The following CD3E variants were observed in gnomAD, a reference collection of about 807,000 sequenced individuals.
CD3E encodes T-cell surface glycoprotein CD3 epsilon chain.
CD3E carries 16 observed loss-of-function variants against 34.7 expected under a neutral mutation model. The ratio of observed to expected loss-of-function variants is 0.46; its 90% CI spans 0.31 to 0.70. The LOEUF is 0.70. Ranked by LOEUF, CD3E falls within the 30% of genes least tolerant of loss-of-function variation. The pLI is 0.05. For missense variants in CD3E, 223 were observed against 253.9 expected, an observed-to-expected ratio of 0.88 and a Z score of 0.83; for synonymous variants, 70 against 90.8, an observed-to-expected ratio of 0.77 and a Z score of 1.30.
chr11:118,307,349 C>T, intron 3 of CD3E, 41 bp downstream of exon 3: 1 of 1,567,396 alleles, frequency 6.4e-7, no homozygotes, highest in Non-Finnish European at 8.7e-7. Context: ...TGAAATCACC[C>T]CATCATTCTT....
At chr11:118,304,871 C>T (rs200529296) in intron 1 of CD3E, 23 bp from the exon 2 acceptor site, 23 of 1,206,212 alleles carry the variant, frequency 1.9e-5, no homozygotes, top group South Asian at 2.4e-5. Flanking sequence ...TTGAAAAAGT[C>T]ATCTGTTTTG....
At chr11:118,309,294 G>A (rs1253522105) in intron 4 of CD3E, among the ~76,000 whole-genome samples, 1 of 152,140 alleles carries the variant, frequency 6.6e-6, no homozygotes, top group Non-Finnish European at 1.5e-5. Context: ...GCAGTAGGAG[G>A]GCCGGGCATG....
chr11:118,312,045 T>C (rs1948138158), intron 4 of CD3E, 108 bp from the exon 5 acceptor site: 2 of 926,452 alleles, frequency 2.2e-6, no homozygotes, highest in Non-Finnish European at 3.6e-6. Flanking sequence ...TGAGACCCTC[T>C]TTGGGAAGTC....
chr11:118,304,863 G>T, intron 1 of CD3E, 31 bp from the exon 2 acceptor site: 1 of 1,146,842 alleles, frequency 8.7e-7, no homozygotes, highest in South Asian at 1.2e-5. Flanking sequence ...CAGATGTTTT[G>T]AAAAAGTCAT....
At chr11:118,305,861 T>C (rs1430950476) in intron 2 of CD3E, among the ~76,000 whole-genome samples, 1 of 152,194 alleles carries the variant, frequency 6.6e-6, no homozygotes, top group African/African-American at 2.4e-5. Flanking sequence ...ATGGTTTTAT[T>C]TCAAAGACCT....
At chr11:118,310,745 C>G (rs1348297203) in intron 4 of CD3E, among the ~76,000 whole-genome samples, 1 of 152,088 alleles carries the variant, frequency 6.6e-6, no homozygotes, top group African/African-American at 2.4e-5. Context: ...TGTCTATGTA[C>G]TTTATTTATG....
In CD3E at chr11:118,304,895, A is replaced by T. The variant is rs919369258; in HGVS notation, c.-58A>T. ...TCATCTGTTTTGCTTTTTTTCCAGA[A>T]GTAGTAAGTCTGCTGGCCTCCGCCA... On this transcript the variant is annotated splice_region_variant and 5_prime_UTR_variant, in exon 2 of 9. In the 5' UTR this introduces an upstream ATG that the reference lacks. Transcript: ENST00000361763. 5.2e-5 allele frequency: 79 copies of T among 1,524,084 alleles called. No homozygotes were observed. The highest frequency in any genetic ancestry group is 5.1e-5 in the Non-Finnish European group (56 of 1,098,004). 94.4% of individuals were successfully genotyped at this position (1,524,084 alleles called of 1,614,324 possible).
intron 4 of CD3E, among the ~76,000 whole-genome samples, chr11:118,309,675 A>C (rs1187886683): frequency 6.6e-6 from 1 of 152,228 alleles, no homozygotes; most frequent in Admixed American, 6.5e-5. Context: ...TTTACTGAGC[A>C]TGTATGTTTT....
rs917905918 is a variant in CD3E, at chr11:118,304,776, G to A, written c.-60G>A. On this transcript the variant is annotated splice_region_variant and 5_prime_UTR_variant, in exon 1 of 9. The change abolishes an upstream ATG in the 5' untranslated region. Transcript: ENST00000361763. ...GCCTCAGGTGCCTGCTTCAGAAAAT[G>A]GTGAGTCTCTCTCTTATAAAGCCCT... 4.2e-6 allele frequency: 3 copies of A among 712,024 alleles called. No individual in the cohort carries two copies. Among genetic ancestry groups the A allele is most frequent in the Non-Finnish European group, 5.1e-6 (2 of 388,612 alleles). 44.1% of individuals were successfully genotyped at this position (712,024 alleles called of 1,614,324 possible).
chr11:118,304,985 C>G lies in CD3E; in HGVS notation c.33C>G (p.Gly11=). The G allele has an allele frequency of 6.2e-7, 1 of 1,613,966 alleles. No individual in the cohort carries two copies. Among genetic ancestry groups the G allele is most frequent in the Non-Finnish European group, 8.5e-7 (1 of 1,179,830 alleles). MQSGTHWRVL[G]LCLLSVGVWG... is the part of the protein sequence containing the mutation. ...CGGGCACTCACTGGAGAGTTCTGGG[C>G]CTCTGCCTCTTATCAGGTGAGTAGG... Residue 11 remains glycine (G), a synonymous_variant, in exon 2 of 9, where the codon GGC becomes GGG. Coordinates refer to ENST00000361763, the MANE Select transcript of CD3E (RefSeq NM_000733.4).
At chr11:118,314,426 G>A (rs771081259) in intron 7 of CD3E, 22 bp from the exon 8 acceptor site, 29 of 1,611,592 alleles carry the variant, frequency 1.8e-5, no homozygotes, top group Non-Finnish European at 2.1e-5. Flanking sequence ...GGAATGAAAT[G>A]TTTCCCCTCC....
In CD3E at chr11:118,313,885, G is replaced by T; in HGVS notation, c.520+11G>T. ...GCGGCAGGCAAAGGGGTAAGGCTGT[G>T]GAGTCCAGTCAGAGGAGATTCCTGC... On this transcript the variant is annotated intron_variant, in intron 7 of 8. Coordinates refer to ENST00000361763, the MANE Select transcript of CD3E (RefSeq NM_000733.4). The T allele has an allele frequency of 6.2e-7, 1 of 1,612,428 alleles. No homozygotes were observed. Among genetic ancestry groups the T allele is most frequent in the Non-Finnish European group, 8.5e-7 (1 of 1,179,950 alleles).
chr11:118,307,809 G>C (rs764810846), intron 3 of CD3E, among the ~76,000 whole-genome samples: 6 of 152,210 alleles, frequency 3.9e-5, no homozygotes, highest in Non-Finnish European at 5.9e-5. Flanking sequence ...AGTCAGGAGT[G>C]TTCCAACATT....
intron 3 of CD3E, 66 bp from the exon 4 acceptor site, chr11:118,308,361 G>T (rs1480855377): frequency 8.2e-7 from 1 of 1,225,802 alleles, no homozygotes; most frequent in Non-Finnish European, 1.2e-6. Flanking sequence ...CAACCCACGG[G>T]AGCAGGGTCT....
intron 6 of CD3E, 45 bp downstream of exon 6, chr11:118,312,911 G>T: frequency 6.2e-7 from 1 of 1,612,302 alleles, no homozygotes; most frequent in South Asian, 1.1e-5. Flanking sequence ...CTTTAGGGAG[G>T]ACCATTCAAA....
At chr11:118,305,064 C>A in intron 2 of CD3E, 63 bp downstream of exon 2, 1 of 1,402,144 alleles carries the variant, frequency 7.1e-7, no homozygotes, top group Non-Finnish European at 1.0e-6. Context: ...TACAGCCTTA[C>A]CTGGCACTGC....
chr11:118,305,741 A>G (rs1160658054), intron 2 of CD3E, among the ~76,000 whole-genome samples: 1 of 152,226 alleles, frequency 6.6e-6, no homozygotes, highest in Non-Finnish European at 1.5e-5. Context: ...GATACTCAAA[A>G]AAGTTAAATA....
Position 118,314,509 on chromosome 11 carries a change from A to G in CD3E, c.567+15A>G. 6.2e-7 allele frequency: 1 copy of G among 1,613,116 alleles called. No individual in the cohort carries two copies. The highest frequency in any genetic ancestry group is 8.5e-7 in the Non-Finnish European group (1 of 1,179,138). The stretch of plus-strand genomic sequence containing the variant: ...CAGACTATGAGGTAACGTGGGATAG[A>G]AATGGGCCAGGACGCTGGAGGGGAT... On this transcript the variant is annotated intron_variant, in intron 8 of 8. Transcript: ENST00000361763.
rs114456514 is a variant in CD3E, at chr11:118,311,605, T to C, written c.86-548T>C. On this transcript the variant is annotated intron_variant, in intron 4 of 8. Transcript: ENST00000361763. ...GAACAAAGATGTTTCTTCTCTATTA[T>C]GAGGGACTCAGTTCTGAGAAAGGAT... 2.1e-3 allele frequency among the ~76,000 whole-genome samples: 314 copies of C among 152,204 alleles called. 1 individual carries two copies. Among genetic ancestry groups the C allele is most frequent in the African/African-American group, 7.0e-3 (292 of 41,544 alleles).
Sources: gnomAD v4.1 joint callset for allele counts (sites outside exome capture counted in the v4.1 genomes callset) on GRCh38, gnomAD v4.1.1 for gene constraint, MANE v1.5 for transcripts, NCBI Gene and HGNC (gene_info 2026-07-23, HGNC 2026-07-21) for gene names.